EVI5L: variants seen among roughly 807,000 people sequenced by gnomAD.
EVI5L encodes EVI5-like protein.
Under a neutral mutation model 106.1 loss-of-function variants are expected in EVI5L, and 30 were observed. The observed-to-expected ratio is 0.28, with a 90% CI of 0.21 to 0.38. The LOEUF is 0.38. EVI5L is among the 10% of genes least tolerant of loss of function. The pLI is 1.00. For missense variants in EVI5L, 809 were observed against 1,098.0 expected, an observed-to-expected ratio of 0.74 and a Z score of 3.72; for synonymous variants, 489 against 483.3, an observed-to-expected ratio of 1.01 and a Z score of -0.15.
In EVI5L at chr19:7,842,050, C is replaced by T. The variant is rs113759437; in HGVS notation, c.-47-4446C>T. ...GAATGAATGTGTGTGTGCCTGAGTG[C>T]GGGTGCAAGAGTGTGTGTCAATGGG... On this transcript the variant is annotated intron_variant, in intron 1 of 19. Transcript: ENST00000538904. 6.7e-3 allele frequency among the ~76,000 whole-genome samples: 1,016 copies of T among 151,994 alleles called. 14 individuals are homozygous for T. Among genetic ancestry groups the T allele is most frequent in the African/African-American group, 0.024 (979 of 41,454 alleles).
intron 1 of EVI5L, among the ~76,000 whole-genome samples, chr19:7,842,485 TG>T (rs573264589): frequency 4.7e-4 from 72 of 151,580 alleles, no homozygotes; most frequent in African/African-American, 1.7e-3. Flanking sequence ...TGCATGTGTG[TG>T]GGGATGTGTG....
In EVI5L at chr19:7,858,505, A is replaced by C. The variant is rs1979647850; in HGVS notation, c.1374+174A>C. 2.6e-6 allele frequency: 2 copies of C among 757,832 alleles called. No individual in the cohort carries two copies. The highest frequency in any genetic ancestry group is 3.9e-4 in the Middle Eastern group (1 of 2,590). 46.9% of individuals were successfully genotyped at this position (757,832 alleles called of 1,614,324 possible). Reference sequence around the variant, plus strand: ...GCGCAGATTCTCCCCCAGCAGCTCCACATTCTGAGACATCCTGATATCCAT... The same window carrying C: ...GCGCAGATTCTCCCCCAGCAGCTCCCCATTCTGAGACATCCTGATATCCAT... On this transcript the variant is annotated intron_variant, in intron 13 of 19. Coordinates refer to ENST00000538904, the MANE Select transcript of EVI5L (RefSeq NM_001159944.3). The surrounding 1 kb of genome is among the most constrained non-coding windows in gnomAD (Gnocchi z 5.7).
intron 14 of EVI5L, among the ~76,000 whole-genome samples, chr19:7,861,617 C>T (rs1196888242): frequency 3.3e-5 from 5 of 152,190 alleles, no homozygotes; most frequent in Non-Finnish European, 5.9e-5. Flanking sequence ...TCAGTGTGTG[C>T]AGCGCGGCGT....
intron 1 of EVI5L, among the ~76,000 whole-genome samples, chr19:7,834,650 C>T (rs1172989714): frequency 6.6e-6 from 1 of 152,230 alleles, no homozygotes; most frequent in Non-Finnish European, 1.5e-5. Context: ...GCCTACTAGA[C>T]TCTGAAGATC....
rs1979637693 is a variant in EVI5L at position 7,858,350 on chromosome 19, G to A, written c.1374+19G>A. 6.5e-7 allele frequency: 1 copy of A among 1,538,574 alleles called. No individual in the cohort carries two copies. Among genetic ancestry groups the A allele is most frequent in the African/African-American group, 1.4e-5 (1 of 72,876 alleles). On this transcript the variant is annotated intron_variant, in intron 13 of 19. Transcript: ENST00000538904. This position sits in a 1 kb window ranked among gnomAD's most constrained non-coding sequence, Gnocchi z 5.7. ...GCAGCAGGTAGGGGCGGGTGTGCGG[G>A]GCTGCTGGGCGGGGCCATGACCCGC...
Position 7,842,723 on chromosome 19 carries a change from T to A in EVI5L, c.-47-3773T>A, listed in dbSNP as rs543985615. Reference sequence around the variant, plus strand: ...AAGTGTGTGGATGTGCACGAGTATGTGTGTATTGTGTGCATGTGTGTGAAG... The same window carrying A: ...AAGTGTGTGGATGTGCACGAGTATGAGTGTATTGTGTGCATGTGTGTGAAG... On this transcript the variant is annotated intron_variant, in intron 1 of 19. Coordinates refer to ENST00000538904, the MANE Select transcript of EVI5L (RefSeq NM_001159944.3). 5.9e-5 allele frequency among the ~76,000 whole-genome samples: 9 copies of A among 152,040 alleles called. No individual in the cohort carries two copies. The South Asian group carries it at 1.9e-3, about 32-fold the overall frequency.
chr19:7,855,934 C>T (rs546445069), intron 10 of EVI5L, 81 bp from the exon 11 acceptor site: 15 of 1,260,406 alleles, frequency 1.2e-5, no homozygotes, highest in Non-Finnish European at 1.5e-5. Context: ...AGGGGACTGA[C>T]CCCGGCAGTG....
chr19:7,852,532 T>A (rs966916131), intron 8 of EVI5L, among the ~76,000 whole-genome samples: 6 of 146,142 alleles, frequency 4.1e-5, no homozygotes, highest in Non-Finnish European at 9.0e-5. Context: ...CTCCTTGGCC[T>A]GCTTTTCTTT....
At chr19:7,832,407 T>C (rs917258741) in intron 1 of EVI5L, among the ~76,000 whole-genome samples, 2 of 152,230 alleles carry the variant, frequency 1.3e-5, no homozygotes, top group Non-Finnish European at 2.9e-5. Flanking sequence ...GGCTTCCTTG[T>C]GGATATTCAC....
At position 7,835,778 on chromosome 19, in the gene EVI5L, G is replaced by C. The variant is rs551561004; in HGVS notation, c.-48+5397G>C. Among the ~76,000 whole-genome samples, 1 of 152,326 alleles carries C rather than the reference G, an allele frequency of 6.6e-6. No homozygotes were observed. Among genetic ancestry groups the C allele is most frequent in the East Asian group, 1.9e-4 (1 of 5,190 alleles). ...TGTCCGCCCACACCTTGCCAAGGAC[G>C]AGAGGACCTAAGGTGCTAGGTTGGG... is the stretch of plus-strand genomic sequence containing the variant. On this transcript the variant is annotated intron_variant, in intron 1 of 19. Transcript: ENST00000538904. The surrounding 1 kb of genome is among the most constrained non-coding windows in gnomAD (Gnocchi z 4.1).
Position 7,841,209 on chromosome 19 carries a change from T to G in EVI5L, c.-47-5287T>G, listed in dbSNP as rs376618032. On this transcript the variant is annotated intron_variant, in intron 1 of 19. Coordinates refer to ENST00000538904, the MANE Select transcript of EVI5L (RefSeq NM_001159944.3). ...GGGCTGATGGAGCTGTTCTGGCAAC[T>G]TGGGCAACTTTGGCCAGTTCTTGAG... Among the ~76,000 whole-genome samples, 19 of 152,200 alleles carry G rather than the reference T, an allele frequency of 1.2e-4. No homozygotes were observed. In the South Asian group the frequency reaches 4.0e-3, roughly 32 times the overall value.
rs1026048912 is a variant in EVI5L, at chr19:7,848,003, G to T, written c.327+82G>T. 1.4e-6 allele frequency: 2 copies of T among 1,439,162 alleles called. No homozygotes were observed. The highest frequency in any genetic ancestry group is 2.6e-5 in the Admixed American group (1 of 38,252). The allele number at this position is 1,439,162 out of a possible 1,614,324, so 89.1% of individuals were successfully genotyped here. On this transcript the variant is annotated intron_variant, in intron 3 of 19. Coordinates refer to ENST00000538904, the MANE Select transcript of EVI5L (RefSeq NM_001159944.3). The surrounding 1 kb of genome is among the most constrained non-coding windows in gnomAD (Gnocchi z 4.8). ...CACTCAGCCACCAGGCAGCGCCAGG[G>T]TCTGCGGGGCCCCAGCCTGGGCACA...
intron 1 of EVI5L, among the ~76,000 whole-genome samples, chr19:7,842,771 AGT>A (rs140257505): frequency 6.6e-6 from 1 of 151,456 alleles, no homozygotes; most frequent in African/African-American, 2.4e-5. Context: ...TGTGTATATG[AGT>A]GTGCGTGCAC....
intron 1 of EVI5L, among the ~76,000 whole-genome samples, chr19:7,838,389 G>A (rs1335685418): frequency 6.6e-6 from 1 of 152,208 alleles, no homozygotes; most frequent in African/African-American, 2.4e-5. Flanking sequence ...GGGATTACAG[G>A]TGTCAGCCAC....
chr19:7,846,512 A>G lies in EVI5L; in HGVS notation c.-31A>G, dbSNP rs1025030464. On this transcript the variant is annotated 5_prime_UTR_variant, in exon 2 of 20. Coordinates refer to ENST00000538904, the MANE Select transcript of EVI5L (RefSeq NM_001159944.3). ...GGCCCCCAGACAGAGCTGTGAACCA[A>G]CCCCGCTCACGGCTAACAAGCCCAC... is the stretch of plus-strand genomic sequence containing the variant. The G allele has an allele frequency of 1.2e-5, 19 of 1,592,444 alleles. No individual in the cohort carries two copies. Among genetic ancestry groups the G allele is most frequent in the Non-Finnish European group, 1.6e-5 (19 of 1,170,090 alleles).
chr19:7,832,479 C>T (rs1009577445), intron 1 of EVI5L, among the ~76,000 whole-genome samples: 3 of 152,192 alleles, frequency 2.0e-5, no homozygotes, highest in African/African-American at 2.4e-5. Context: ...ACTTCCCCAT[C>T]GGAAACTGGG....
At chr19:7,841,933 C>G (rs188515523) in intron 1 of EVI5L, among the ~76,000 whole-genome samples, 1 of 152,354 alleles carries the variant, frequency 6.6e-6, no homozygotes, top group East Asian at 1.9e-4. Context: ...ATCAGGACAG[C>G]AGCCCACCTC....
Position 7,863,936 on chromosome 19 carries a change from C to T in EVI5L, c.*234C>T, listed in dbSNP as rs1037936488. ...AGTGTTTACCCATCTTGGTCTGTAC[C>T]CCTCCGGGCCCTCTGGCGTTCCAGG... is the stretch of plus-strand genomic sequence containing the variant. On this transcript the variant is annotated 3_prime_UTR_variant, in exon 20 of 20. Transcript: ENST00000538904. The surrounding 1 kb of genome is among the most constrained non-coding windows in gnomAD (Gnocchi z 7.7). 104 of 509,718 alleles carry T rather than the reference C, an allele frequency of 2.0e-4. 1 individual carries two copies. The East Asian group carries it at 3.6e-3, about 18-fold the overall frequency. 31.6% of individuals were successfully genotyped at this position (509,718 alleles called of 1,614,324 possible). A position where few individuals can be genotyped will look rare whatever the true frequency, so the allele number is the denominator to read the frequency against.
chr19:7,845,319 A>T lies in EVI5L; in HGVS notation c.-47-1177A>T, dbSNP rs1978905130. 6.6e-6 allele frequency among the ~76,000 whole-genome samples: 1 copy of T among 152,074 alleles called. No homozygotes were observed. Among genetic ancestry groups the T allele is most frequent in the Non-Finnish European group, 1.5e-5 (1 of 67,966 alleles). ...GGCTCACCAGGAAGAAGCATGAAGG[A>T]ACACCATCCCCAGCCGCTGCCTCCA... On this transcript the variant is annotated intron_variant, in intron 1 of 19. Coordinates refer to ENST00000538904, the MANE Select transcript of EVI5L (RefSeq NM_001159944.3). This position sits in a 1 kb window ranked among gnomAD's most constrained non-coding sequence, Gnocchi z 4.0.
Sources: gnomAD v4.1 joint callset for allele counts (sites outside exome capture counted in the v4.1 genomes callset) on GRCh38, gnomAD v4.1.1 for gene constraint, Gnocchi (gnomAD v3.1) non-coding constraint, MANE v1.5 for transcripts, NCBI Gene and HGNC (gene_info 2026-07-23, HGNC 2026-07-21) for gene names.